The following COL5A1 variants were observed in gnomAD, a reference collection of about 807,000 sequenced individuals.
The protein encoded by COL5A1 is collagen alpha-1(V) chain.
Under a neutral mutation model 263.7 loss-of-function variants are expected in COL5A1, and 16 were observed. The ratio of observed to expected loss-of-function variants is 0.06; its 90% CI spans 0.04 to 0.09. COL5A1 has a LOEUF of 0.09. Ranked by LOEUF, COL5A1 falls within the 10% of genes least tolerant of loss-of-function variation. COL5A1 has a pLI of 1.00. For synonymous variants in COL5A1, 1,012 were observed against 1,004.5 expected (o/e 1.01, Z -0.14); for missense variants, 2,036 against 2,540.5 (o/e 0.80, Z 4.27).
intron 25 of COL5A1, among the ~76,000 whole-genome samples, chr9:134,771,590 A>ATTTT (rs1836867146): frequency 6.6e-6 from 1 of 152,242 alleles, no homozygotes; most frequent in African/African-American, 2.4e-5. Flanking sequence ...AAAACTTAAA[A>ATTTT]GTCACACACG....
chr9:134,698,975 C>T (rs1004294403), intron 2 of COL5A1, among the ~76,000 whole-genome samples: 6 of 152,248 alleles, frequency 3.9e-5, no homozygotes, highest in African/African-American at 1.4e-4. Context: ...ACCGCTCCTT[C>T]TGGCCCGTTC....
At chr9:134,743,284 T>A (rs1016539459) in intron 11 of COL5A1, among the ~76,000 whole-genome samples, 2 of 152,214 alleles carry the variant, frequency 1.3e-5, no homozygotes, top group Non-Finnish European at 2.9e-5. Context: ...ATCTCCGCAG[T>A]CCACTGGAGA....
chr9:134,695,146 C>G (rs2132558813), intron 2 of COL5A1, among the ~76,000 whole-genome samples: 1 of 152,290 alleles, frequency 6.6e-6, no homozygotes, highest in Non-Finnish European at 1.5e-5. Context: ...ATTTTGTCCT[C>G]TGTAGGTGCC....
rs1478732330 is a variant in COL5A1, at chr9:134,681,900, C to CCT, written c.110-9005_110-9004dup. 6.6e-6 allele frequency among the ~76,000 whole-genome samples: 1 copy of CCT among 151,948 alleles called. No homozygotes were observed. The highest frequency in any genetic ancestry group is 1.5e-5 in the Non-Finnish European group (1 of 67,978). On this transcript the variant is annotated intron_variant, in intron 1 of 65. Coordinates refer to ENST00000371817, the MANE Select transcript of COL5A1 (RefSeq NM_000093.5). The surrounding 1 kb of genome is among the most constrained non-coding windows in gnomAD (Gnocchi z 4.3). ...TCCTCTCTTTCTCTCTCTGTCTCTCCCTCTCTCTTTCTGTCTGTGTAGCTC... is the reference window on the plus strand; with the variant it reads ...TCCTCTCTTTCTCTCTCTGTCTCTCCCTCTCTCTCTTTCTGTCTGTGTAGCTC...
chr9:134,835,324 C>G, intron 65 of COL5A1, 120 bp downstream of exon 65: 1 of 854,316 alleles, frequency 1.2e-6, no homozygotes, highest in Non-Finnish European at 1.9e-6. Flanking sequence ...GGCCCCGGAC[C>G]AGACTCTCGC....
chr9:134,784,966 ACCT>A lies in COL5A1; in HGVS notation c.2485-18_2485-16del, dbSNP rs765799242. ...TGTGTGTGCGGGGGGTGGTCTTCTC[ACCT>A]CCTCTTTTCTGGCTTGCAGGGGGAG... On this transcript the variant is annotated intron_variant, in intron 29 of 65. Coordinates refer to ENST00000371817, the MANE Select transcript of COL5A1 (RefSeq NM_000093.5). The A allele has an allele frequency of 6.8e-7, 1 of 1,477,256 alleles. No homozygotes were observed. The highest frequency in any genetic ancestry group is 1.5e-5 in the African/African-American group (1 of 65,504). The allele number at this position is 1,477,256 out of a possible 1,614,324, so 91.5% of individuals were successfully genotyped here.
intron 63 of COL5A1, among the ~76,000 whole-genome samples, chr9:134,828,860 C>T (rs1254426354): frequency 6.8e-6 from 1 of 146,422 alleles, no homozygotes; most frequent in Non-Finnish European, 1.5e-5. Flanking sequence ...ACACACTACA[C>T]ACACACCACA....
chr9:134,771,316 G>A (rs1174543919), intron 25 of COL5A1, among the ~76,000 whole-genome samples: 1 of 152,258 alleles, frequency 6.6e-6, no homozygotes. Context: ...CCTGGACCAG[G>A]ACACCCTCTA....
intron 1 of COL5A1, among the ~76,000 whole-genome samples, chr9:134,662,742 G>A (rs1344658762): frequency 6.6e-6 from 1 of 152,208 alleles, no homozygotes; most frequent in Non-Finnish European, 1.5e-5. Context: ...GACATGGACG[G>A]CTGCCAGCTT....
intron 25 of COL5A1, among the ~76,000 whole-genome samples, chr9:134,770,440 G>T (rs1439941433): frequency 6.6e-6 from 1 of 152,184 alleles, no homozygotes; most frequent in Non-Finnish European, 1.5e-5. Context: ...ATGGTTAAGT[G>T]AATTATGGCT....
chr9:134,719,422 G>A (rs1194978456), intron 4 of COL5A1, among the ~76,000 whole-genome samples: 4 of 152,184 alleles, frequency 2.6e-5, no homozygotes, highest in South Asian at 2.1e-4. Flanking sequence ...ACACATGCAC[G>A]CACACGTATG....
At chr9:134,706,210 A>T (rs560539674) in intron 4 of COL5A1, among the ~76,000 whole-genome samples, 2 of 152,202 alleles carry the variant, frequency 1.3e-5, no homozygotes, top group East Asian at 3.9e-4. Flanking sequence ...TCCCTTCTGG[A>T]TGTGCCGGTG....
At position 134,814,754 on chromosome 9, in the gene COL5A1, C is replaced by T. The variant is rs574375659; in HGVS notation, c.3907-43C>T. 80 of 1,460,452 alleles carry T rather than the reference C, an allele frequency of 5.5e-5. No homozygotes were observed. The East Asian group carries it at 1.3e-3, about 24-fold the overall frequency. The allele number at this position is 1,460,452 out of a possible 1,614,324, so 90.5% of individuals were successfully genotyped here. On this transcript the variant is annotated intron_variant, in intron 49 of 65. Coordinates refer to ENST00000371817, the MANE Select transcript of COL5A1 (RefSeq NM_000093.5). Reference sequence around the variant, plus strand: ...AGGCCCACCTTGCTCTGGGCGGCGACGTGGTTGGCTCTGAGGACTTGACAC... The same window carrying T: ...AGGCCCACCTTGCTCTGGGCGGCGATGTGGTTGGCTCTGAGGACTTGACAC...
chr9:134,741,842 C>T lies in COL5A1; in HGVS notation c.1494+3034C>T, dbSNP rs115474511. 2.9e-3 allele frequency among the ~76,000 whole-genome samples: 439 copies of T among 152,270 alleles called. 1 individual carries two copies. The highest frequency in any genetic ancestry group is 9.9e-3 in the African/African-American group (412 of 41,558). Reference sequence around the variant, plus strand: ...CTTCTCCCTGCCACTCCCAACCTCCCGCCTTGGGCTTCCCCAGCCCTTCCT... The same window carrying T: ...CTTCTCCCTGCCACTCCCAACCTCCTGCCTTGGGCTTCCCCAGCCCTTCCT... On this transcript the variant is annotated intron_variant, in intron 11 of 65. Coordinates refer to ENST00000371817, the MANE Select transcript of COL5A1 (RefSeq NM_000093.5). The surrounding 1 kb of genome is among the most constrained non-coding windows in gnomAD (Gnocchi z 4.5).
intron 4 of COL5A1, among the ~76,000 whole-genome samples, chr9:134,705,798 C>T (rs1412051045): frequency 1.3e-5 from 2 of 152,208 alleles, no homozygotes; most frequent in African/African-American, 2.4e-5. Flanking sequence ...TGTCCCTTTT[C>T]TCAGCTTTTC....
chr9:134,732,205 A>T, intron 9 of COL5A1, 78 bp downstream of exon 9: 4 of 1,508,668 alleles, frequency 2.7e-6, no homozygotes, highest in Non-Finnish European at 3.7e-6. Context: ...TAGGGTGTGA[A>T]CAGGTCCGTG....
chr9:134,719,404 G>A (rs939219270), intron 4 of COL5A1, among the ~76,000 whole-genome samples: 14 of 152,290 alleles, frequency 9.2e-5, no homozygotes, highest in South Asian at 6.2e-4. Flanking sequence ...GCATCAACAC[G>A]GTACCGGACA....
At chr9:134,690,391 G>A (rs1489683139) in intron 1 of COL5A1, among the ~76,000 whole-genome samples, 1 of 152,194 alleles carries the variant, frequency 6.6e-6, no homozygotes, top group Non-Finnish European at 1.5e-5. Context: ...CAGGGCTGCA[G>A]GGCAGATGTT....
chr9:134,657,508 T>G (rs1832048009), intron 1 of COL5A1, among the ~76,000 whole-genome samples: 2 of 54,844 alleles, frequency 3.6e-5, no homozygotes, highest in Admixed American at 2.1e-4. Flanking sequence ...GGAGTGTAGT[T>G]TATAGATAAT....
Sources: allele counts gnomAD v4.1 joint callset (sites outside exome capture counted in the v4.1 genomes callset), GRCh38; gene constraint gnomAD v4.1.1; non-coding constraint Gnocchi (gnomAD v3.1); transcripts MANE v1.5; gene names NCBI Gene and HGNC (gene_info 2026-07-23, HGNC 2026-07-21).